The following SLC35A1 variants were observed in gnomAD, a reference collection of about 807,000 sequenced individuals.
SLC35A1 encodes CMP-sialic acid transporter.
SLC35A1 carries 21 observed loss-of-function variants against 40.3 expected under a neutral mutation model. That is an observed-to-expected ratio of 0.52 (90% CI 0.37 to 0.75). The LOEUF (loss-of-function observed/expected upper bound fraction) is 0.75. Among genes scored for constraint, SLC35A1 ranks in the 30% least tolerant of loss-of-function variants. The pLI is 0.00. For missense variants in SLC35A1, 297 were observed against 382.1 expected, an observed-to-expected ratio of 0.78 and a Z score of 1.86; for synonymous variants, 146 against 147.3, an observed-to-expected ratio of 0.99 and a Z score of 0.06.
chr6:87,494,472 G>T (rs1769656932), intron 2 of SLC35A1, among the ~76,000 whole-genome samples: 1 of 150,276 alleles, frequency 6.7e-6, no homozygotes, highest in African/African-American at 2.5e-5. Context: ...GCCCAGGCTG[G>T]AGTGCAGTGG....
intron 2 of SLC35A1, among the ~76,000 whole-genome samples, chr6:87,490,776 T>A (rs890451406): frequency 2.6e-5 from 4 of 152,214 alleles, no homozygotes; most frequent in Non-Finnish European, 5.9e-5. Flanking sequence ...AAGAAAAGAA[T>A]AATGCCCCCT....
chr6:87,502,352 T>A (rs1487405922), intron 4 of SLC35A1, among the ~76,000 whole-genome samples: 1 of 152,196 alleles, frequency 6.6e-6, no homozygotes, highest in Non-Finnish European at 1.5e-5. Context: ...GGAGACTTGT[T>A]ATACAGTCAT....
intron 2 of SLC35A1, among the ~76,000 whole-genome samples, chr6:87,495,309 C>G (rs1421153164): frequency 6.6e-6 from 1 of 152,204 alleles, no homozygotes; most frequent in African/African-American, 2.4e-5. Flanking sequence ...AAGACTATCC[C>G]TAGCAGGATG....
At chr6:87,490,533 CA>C (rs2127969001) in intron 2 of SLC35A1, among the ~76,000 whole-genome samples, 1 of 152,004 alleles carries the variant, frequency 6.6e-6, no homozygotes, top group South Asian at 2.1e-4. Context: ...GGGGTTTCAC[CA>C]TGTTGGCCAG....
chr6:87,488,067 A>T (rs1769438289), intron 2 of SLC35A1: 1 of 152,144 alleles, frequency 6.6e-6, no homozygotes, highest in African/African-American at 2.4e-5. Context: ...GGAAAAACAG[A>T]TTTGGGGGAA....
At chr6:87,506,535 C>T in intron 5 of SLC35A1, 87 bp downstream of exon 5, 1 of 1,086,794 alleles carries the variant, frequency 9.2e-7, no homozygotes, top group South Asian at 1.2e-5. Context: ...ATCTTGCTTT[C>T]TCAGTTTTAT....
At chr6:87,478,293 A>G (rs1233294675) in intron 2 of SLC35A1, among the ~76,000 whole-genome samples, 1 of 152,232 alleles carries the variant, frequency 6.6e-6, no homozygotes, top group Non-Finnish European at 1.5e-5. Flanking sequence ...GTGGCTGCAT[A>G]CACACTTGTA....
intron 4 of SLC35A1, among the ~76,000 whole-genome samples, chr6:87,501,898 C>T (rs934645375): frequency 1.3e-5 from 2 of 152,066 alleles, no homozygotes; most frequent in Admixed American, 6.5e-5. Context: ...CGCTAAGATA[C>T]ATACATGATT....
At chr6:87,493,852 T>TA (rs1554165810) in intron 2 of SLC35A1, among the ~76,000 whole-genome samples, 1 of 137,262 alleles carries the variant, frequency 7.3e-6, no homozygotes, top group African/African-American at 2.6e-5. Flanking sequence ...AACTTGAGAT[T>TA]CCCCCATCCT....
intron 2 of SLC35A1, among the ~76,000 whole-genome samples, chr6:87,496,300 GATAAAA>G (rs1769723001): frequency 6.6e-6 from 1 of 152,166 alleles, no homozygotes; most frequent in African/African-American, 2.4e-5. Flanking sequence ...CTATTCCAAT[GATAAAA>G]ATAAAAAGAA....
Position 87,503,711 on chromosome 6 carries a change from C to CAAT in SLC35A1, c.507+2416_507+2418dup, listed in dbSNP as rs762381242. 5.3e-5 allele frequency among the ~76,000 whole-genome samples: 8 copies of CAAT among 152,104 alleles called. No homozygotes were observed. The East Asian group carries it at 1.4e-3, about 26-fold the overall frequency. On this transcript the variant is annotated intron_variant, in intron 4 of 7. Coordinates refer to ENST00000369552, the MANE Select transcript of SLC35A1 (RefSeq NM_006416.5). ...CGAGTGATAGTGCGAGACTCTGTTTCAATAATAATAATAATAACAATAATA... is the reference window on the plus strand; with the variant it reads ...CGAGTGATAGTGCGAGACTCTGTTTCAATAATAATAATAATAATAACAATAATA...
chr6:87,509,197 GTTT>G (rs778318046), intron 7 of SLC35A1, 22 bp downstream of exon 7: 1 of 1,613,824 alleles, frequency 6.2e-7, no homozygotes, highest in Non-Finnish European at 8.5e-7. Flanking sequence ...TTTGTGTTGA[GTTT>G]TTAACATGGA....
chr6:87,482,663 C>A, intron 2 of SLC35A1, among the ~76,000 whole-genome samples: 1 of 152,162 alleles, frequency 6.6e-6, no homozygotes, highest in Middle Eastern at 3.2e-3. Context: ...AAGGGAGTTC[C>A]TTCTAGGTCT....
Position 87,501,278 on chromosome 6 carries a change from C to A in SLC35A1, c.475C>A (p.Gln159Lys). Residue 159 changes from glutamine to lysine, a missense_variant, in exon 4 of 8, where the codon CAG (glutamine) becomes AAG (lysine). Physicochemically the swap from Gln to Lys is moderately conservative, Grantham distance 53. Coordinates refer to ENST00000369552, the MANE Select transcript of SLC35A1 (RefSeq NM_006416.5). ...GCTGTGTGCTGGAGTTACGCTTGTA[C>A]AGTGGAAACCAGCCCAAGCTACAAA... Reference protein sequence around the residue: ...FMLCAGVTLVQWKPAQATKVV... With the variant: ...FMLCAGVTLVKWKPAQATKVV... 1 of 1,614,020 alleles carries A rather than the reference C, an allele frequency of 6.2e-7. No individual in the cohort carries two copies. Among genetic ancestry groups the A allele is most frequent in the Non-Finnish European group, 8.5e-7 (1 of 1,179,970 alleles).
chr6:87,492,290 TAC>T (rs1314155472), intron 2 of SLC35A1, among the ~76,000 whole-genome samples: 1 of 152,160 alleles, frequency 6.6e-6, no homozygotes, highest in African/African-American at 2.4e-5. Flanking sequence ...TGTCCAGGAT[TAC>T]AGTTTGCTTT....
intron 4 of SLC35A1, 46 bp from the exon 5 acceptor site, chr6:87,506,334 ACT>A (rs1466869861): frequency 6.3e-6 from 9 of 1,437,496 alleles, no homozygotes; most frequent in African/African-American, 1.4e-5. Flanking sequence ...TCTTGGATGA[ACT>A]CTGTTTATTA....
Position 87,512,174 on chromosome 6 carries a change from T to TTTG in SLC35A1, c.*648_*649insTTG, listed in dbSNP as rs1491454210. ...TTCATTATCTGGTTCATATTTCTTT[T>TTTG]CTGTTAGATGATACACATTTCTTCA... On this transcript the variant is annotated 3_prime_UTR_variant, in exon 8 of 8. Transcript: ENST00000369552. 3 of 152,462 alleles carry TTTG rather than the reference T, an allele frequency of 2.0e-5. No homozygotes were observed. The highest frequency in any genetic ancestry group is 4.4e-5 in the Non-Finnish European group (3 of 68,072). 9.4% of individuals were successfully genotyped at this position (152,462 alleles called of 1,614,324 possible).
At chr6:87,474,393 G>A (rs2268993) in intron 1 of SLC35A1, among the ~76,000 whole-genome samples, 90,851 of 152,088 alleles carry the variant, frequency 0.6, 27,901 homozygotes, top group African/African-American at 0.73. Context: ...ATTTTAAACT[G>A]TAAGTTTCTT....
chr6:87,491,715 A>C (rs1769557369), intron 2 of SLC35A1, among the ~76,000 whole-genome samples: 1 of 152,202 alleles, frequency 6.6e-6, no homozygotes. Flanking sequence ...GTCCAGGATC[A>C]AGATGCTGGC....
Sources: allele counts gnomAD v4.1 joint callset (sites outside exome capture counted in the v4.1 genomes callset), GRCh38; gene constraint gnomAD v4.1.1; transcripts MANE v1.5; gene names NCBI Gene and HGNC (gene_info 2026-07-23, HGNC 2026-07-21).